Variants in ANK2 observed in about 807,000 individuals in gnomAD.
ANK2 encodes the protein ankyrin 2, also known as ankyrin-2.
Under a neutral mutation model 360.5 loss-of-function variants are expected in ANK2, and 83 were observed. The ratio of observed to expected loss-of-function variants is 0.23; its 90% CI spans 0.19 to 0.28. The LOEUF is 0.28. Ranked by LOEUF, ANK2 falls within the 10% of genes least tolerant of loss-of-function variation. ANK2 has a pLI of 1.00. For missense variants in ANK2, 4,201 were observed against 4,795.7 expected (o/e 0.88, Z 3.66); for synonymous variants, 1,740 against 1,759.5 (o/e 0.99, Z 0.28).
chr4:112,984,403 G>T (rs1435262981), intron 2 of ANK2, among the ~76,000 whole-genome samples: 1 of 152,214 alleles, frequency 6.6e-6, no homozygotes, highest in Non-Finnish European at 1.5e-5. Flanking sequence ...ATGGGAACAG[G>T]CAAAGAGAGA....
intron 1 of ANK2, among the ~76,000 whole-genome samples, chr4:113,173,163 G>A (rs1423377810): frequency 6.6e-6 from 1 of 152,060 alleles, no homozygotes; most frequent in Admixed American, 6.6e-5. Flanking sequence ...TTGGTATTTG[G>A]GTTAAAAGTG....
intron 1 of ANK2, among the ~76,000 whole-genome samples, chr4:113,082,012 T>G (rs2082595523): frequency 6.6e-6 from 1 of 152,306 alleles, no homozygotes; most frequent in Admixed American, 6.5e-5. Context: ...TTTCACCATG[T>G]TTGACAGGCT....
intron 2 of ANK2, among the ~76,000 whole-genome samples, chr4:113,019,345 G>A (rs1488802732): frequency 6.6e-6 from 1 of 152,094 alleles, no homozygotes; most frequent in Non-Finnish European, 1.5e-5. Context: ...GTTTGCCCTA[G>A]GCATATACAA....
chr4:112,916,016 C>T (rs1367934501), intron 2 of ANK2, among the ~76,000 whole-genome samples: 1 of 152,000 alleles, frequency 6.6e-6, no homozygotes, highest in Non-Finnish European at 1.5e-5. Flanking sequence ...TTTTAATTGT[C>T]AGATATTATT....
intron 43 of ANK2, chr4:113,372,485 T>A (rs933647006): frequency 8.3e-7 from 1 of 1,201,540 alleles, no homozygotes; most frequent in African/African-American, 1.5e-5. Context: ...AGTAGTGAAG[T>A]CATTCCTTAG....
chr4:113,118,805 T>C (rs1463073159), intron 1 of ANK2, among the ~76,000 whole-genome samples: 1 of 152,196 alleles, frequency 6.6e-6, no homozygotes, highest in Non-Finnish European at 1.5e-5. Flanking sequence ...TATAAAGAAT[T>C]TTCTGTGATT....
chr4:113,182,925 G>A (rs1241248971), intron 2 of ANK2, among the ~76,000 whole-genome samples: 2 of 152,068 alleles, frequency 1.3e-5, no homozygotes, highest in Non-Finnish European at 2.9e-5. Flanking sequence ...TTTTGTTGAT[G>A]GAAAAATATC....
chr4:113,045,553 G>A (rs2064082262), upstream of ANK2, among the ~76,000 whole-genome samples: 1 of 152,170 alleles, frequency 6.6e-6, no homozygotes. Context: ...AACCTTGTGT[G>A]GTTATGAGAA....
the ANK2 span, among the ~76,000 whole-genome samples, chr4:112,711,405 C>T: frequency 1.3e-5 from 2 of 152,154 alleles, no homozygotes; most frequent in African/African-American, 4.8e-5. Context: ...TGCCTGTACT[C>T]CCAGCTACTT....
chr4:112,766,465 A>G, the ANK2 span, among the ~76,000 whole-genome samples: 1 of 152,244 alleles, frequency 6.6e-6, no homozygotes. Flanking sequence ...AATTCAGCTT[A>G]TACTGGATTA....
At chr4:113,261,283 A>G (rs1220889605) in intron 13 of ANK2, among the ~76,000 whole-genome samples, 1 of 152,180 alleles carries the variant, frequency 6.6e-6, no homozygotes, top group African/African-American at 2.4e-5. Context: ...TCCATAATCC[A>G]AAGTATTCAT....
chr4:112,923,110 T>C (rs2091912177), intron 2 of ANK2, among the ~76,000 whole-genome samples: 1 of 152,142 alleles, frequency 6.6e-6, no homozygotes, highest in South Asian at 2.1e-4. Context: ...CATTATTCTA[T>C]CTTTAACATT....
intron 1 of ANK2, among the ~76,000 whole-genome samples, chr4:112,868,939 GA>G (rs1286082607): frequency 1.3e-5 from 2 of 151,876 alleles, no homozygotes; most frequent in Non-Finnish European, 2.9e-5. Context: ...CCCATTCTAA[GA>G]GTTGTCTTTT....
chr4:112,786,388 C>G, the ANK2 span, among the ~76,000 whole-genome samples: 1 of 150,734 alleles, frequency 6.6e-6, no homozygotes, highest in East Asian at 1.9e-4. Context: ...CAACTAACCA[C>G]CAGAATTTTT....
chr4:113,116,947 C>A (rs1055128506), intron 1 of ANK2: 1 of 246,388 alleles, frequency 4.1e-6, no homozygotes, highest in Non-Finnish European at 8.1e-6. Context: ...TCTGCACTTG[C>A]AGCCACCCAA....
intron 1 of ANK2, chr4:112,882,446 T>A (rs1021978091): frequency 1.4e-4 from 21 of 151,586 alleles, no homozygotes; most frequent in Non-Finnish European, 2.1e-4. Context: ...TAAAAAAAAA[T>A]ATTACTAGTT....
the ANK2 span, among the ~76,000 whole-genome samples, chr4:112,793,576 T>G: frequency 7.9e-5 from 12 of 152,254 alleles, no homozygotes; most frequent in Non-Finnish European, 2.9e-5. Flanking sequence ...TATTTTGGTT[T>G]ATCATATTAC....
the ANK2 span, among the ~76,000 whole-genome samples, chr4:112,767,833 A>G: frequency 9.2e-5 from 14 of 152,202 alleles, no homozygotes; most frequent in African/African-American, 3.4e-4. Context: ...AATTGCCTCA[A>G]AAAGGCTGGG....
chr4:113,048,248 G>GTGTATATATA (rs1252407907), upstream of ANK2, among the ~76,000 whole-genome samples: 170 of 36,228 alleles, frequency 4.7e-3, 1 homozygote, highest in Admixed American at 0.01. Context: ...CTACAAGTGT[G>GTGTATATATA]TATATATATA....
Sources: allele counts gnomAD v4.1 joint callset (sites outside exome capture counted in the v4.1 genomes callset), GRCh38; gene constraint gnomAD v4.1.1; transcripts MANE v1.5; gene names NCBI Gene and HGNC (gene_info 2026-07-23, HGNC 2026-07-21).